EBF4: variants seen among roughly 807,000 people sequenced by gnomAD.
EBF4 encodes EBF transcription factor 4, also known as transcription factor COE4.
EBF4 carries 34 observed loss-of-function variants against 67.1 expected under a neutral mutation model. The observed-to-expected ratio is 0.51, with a 90% CI of 0.39 to 0.67. EBF4 has a LOEUF of 0.67. Ranked by LOEUF, EBF4 falls within the 30% of genes least tolerant of loss-of-function variation. The pLI is 0.00. For synonymous variants in EBF4, 387 were observed against 377.7 expected (o/e 1.02, Z -0.29); for missense variants, 837 against 873.3 (o/e 0.96, Z 0.52).
intron 8 of EBF4, 46 bp downstream of exon 8, chr20:2,749,564 C>T: frequency 6.5e-7 from 1 of 1,538,558 alleles, no homozygotes; most frequent in South Asian, 1.2e-5. Context: ...CCCAGCCAGC[C>T]CCCCAGGCCC....
Position 2,693,768 on chromosome 20 carries a change from C to T in EBF4, c.123C>T (p.Ser41=). Residue 41 remains serine, a synonymous_variant, in exon 1 of 17, where the codon AGC becomes AGT. Transcript: ENST00000609451. This position sits in a 1 kb window ranked among gnomAD's most constrained non-coding sequence, Gnocchi z 4.6. ...AGGGCGCGGGCATCCTGGACGCCAGCACCGCGGCGCAGAGGTAAGCGCTCG... is the reference window on the plus strand; with the variant it reads ...AGGGCGCGGGCATCCTGGACGCCAGTACCGCGGCGCAGAGGTAAGCGCTCG... 1 of 1,334,846 alleles carries T rather than the reference C, an allele frequency of 7.5e-7. No individual in the cohort carries two copies. The highest frequency in any genetic ancestry group is 9.6e-7 in the Non-Finnish European group (1 of 1,044,782). The allele number at this position is 1,334,846 out of a possible 1,614,324, so 82.7% of individuals were successfully genotyped here. A position where few individuals can be genotyped will look rare whatever the true frequency, so the allele number is the denominator to read the frequency against.
chr20:2,716,298 G>A (rs1302275176), intron 6 of EBF4, among the ~76,000 whole-genome samples: 4 of 151,238 alleles, frequency 2.6e-5, no homozygotes, highest in African/African-American at 7.3e-5. Flanking sequence ...AGGCCGAGGC[G>A]GGCAGATCAC....
At chr20:2,748,398 G>A in intron 6 of EBF4, 151 bp from the exon 7 acceptor site, 1 of 698,422 alleles carries the variant, frequency 1.4e-6, no homozygotes, top group Non-Finnish European at 2.4e-6. Context: ...CTGGTATATG[G>A]AGGCCATGAT....
At chr20:2,730,994 G>T (rs1249023189) in intron 6 of EBF4, among the ~76,000 whole-genome samples, 2 of 152,162 alleles carry the variant, frequency 1.3e-5, no homozygotes, top group South Asian at 4.1e-4. Context: ...CACCTCCAGG[G>T]TTCAAGCAAT....
chr20:2,694,779 A>G (rs2087264405), intron 1 of EBF4, among the ~76,000 whole-genome samples: 1 of 151,950 alleles, frequency 6.6e-6, no homozygotes, highest in Non-Finnish European at 1.5e-5. Context: ...GGACGCCTCA[A>G]CCTCACCGTG....
At chr20:2,697,447 A>G (rs1003043756) in intron 1 of EBF4, among the ~76,000 whole-genome samples, 4 of 152,084 alleles carry the variant, frequency 2.6e-5, no homozygotes, top group Non-Finnish European at 5.9e-5. Context: ...CAGGAGGCTG[A>G]GGCAGGAGAA....
chr20:2,702,019 A>T (rs1370303838), intron 1 of EBF4, among the ~76,000 whole-genome samples: 1 of 152,232 alleles, frequency 6.6e-6, no homozygotes, highest in African/African-American at 2.4e-5. Context: ...GGGGCGATCA[A>T]GGCCTCAACT....
chr20:2,736,780 C>T (rs1459392269), intron 6 of EBF4, among the ~76,000 whole-genome samples: 8 of 152,108 alleles, frequency 5.3e-5, no homozygotes, highest in East Asian at 1.9e-4. Flanking sequence ...AAGAGAGATT[C>T]GCTCATGTGC....
At position 2,727,073 on chromosome 20, in the gene EBF4, T is replaced by C. The variant is rs2087755720; in HGVS notation, c.557+17431T>C. Among the ~76,000 whole-genome samples the C allele has an allele frequency of 1.3e-5, 2 of 152,228 alleles. 1 individual carries two copies. The highest frequency in any genetic ancestry group is 4.1e-4 in the South Asian group (2 of 4,830). On this transcript the variant is annotated intron_variant, in intron 6 of 16. Coordinates refer to ENST00000609451, the Ensembl canonical transcript of EBF4. The stretch of plus-strand genomic sequence containing the variant: ...GCTTATTTTACTTGGCATACTGTCC[T>C]CAAGGTTCATTCATGTAACATGTGA...
In EBF4 at chr20:2,742,064, G is replaced by T. The variant is rs1002429432; in HGVS notation, c.558-6485G>T. ...TGGTCCCCACACAGCCTGCCTCTCA[G>T]AGCTGCTTTTGAAGGCAGGCTTGCC... On this transcript the variant is annotated intron_variant, in intron 6 of 16. Transcript: ENST00000609451. Among the ~76,000 whole-genome samples the T allele has an allele frequency of 6.6e-5, 10 of 152,178 alleles. 1 individual carries two copies. The highest frequency in any genetic ancestry group is 2.4e-4 in the African/African-American group (10 of 41,440).
chr20:2,721,644 A>G (rs1308219311), intron 6 of EBF4, among the ~76,000 whole-genome samples: 1 of 152,062 alleles, frequency 6.6e-6, no homozygotes, highest in African/African-American at 2.4e-5. Flanking sequence ...TAGTAGAGAC[A>G]GGGTTTCACC....
intron 6 of EBF4, among the ~76,000 whole-genome samples, chr20:2,746,685 G>T (rs1188676664): frequency 6.6e-6 from 1 of 152,214 alleles, no homozygotes; most frequent in Non-Finnish European, 1.5e-5. Flanking sequence ...TGAATTAAAT[G>T]AACATTCAAA....
intron 6 of EBF4, among the ~76,000 whole-genome samples, chr20:2,712,639 A>G (rs539441335): frequency 6.6e-6 from 1 of 152,202 alleles, no homozygotes; most frequent in South Asian, 2.1e-4. Context: ...CAGGCTGCAG[A>G]TGTAAATTTG....
At chr20:2,718,473 A>G (rs987454398) in intron 6 of EBF4, among the ~76,000 whole-genome samples, 32 of 152,218 alleles carry the variant, frequency 2.1e-4, no homozygotes, top group Non-Finnish European at 1.3e-4. Flanking sequence ...TCTAATAGAT[A>G]TAGAAGGTTA....
intron 6 of EBF4, among the ~76,000 whole-genome samples, chr20:2,732,096 A>G (rs892821845): frequency 2.7e-5 from 4 of 148,986 alleles, no homozygotes; most frequent in African/African-American, 9.8e-5. Flanking sequence ...TATTAGATAC[A>G]TGTGCTTTTT....
rs1008320317 is a variant in EBF4, at chr20:2,755,326, T to G, written c.1541-301T>G. 5.9e-5 allele frequency: 24 copies of G among 408,930 alleles called. No individual in the cohort carries two copies. The highest frequency in any genetic ancestry group is 9.7e-5 in the Non-Finnish European group (22 of 227,582). 25.3% of individuals were successfully genotyped at this position (408,930 alleles called of 1,614,324 possible). On this transcript the variant is annotated intron_variant, in intron 14 of 16. Transcript: ENST00000609451. The surrounding 1 kb of genome is among the most constrained non-coding windows in gnomAD (Gnocchi z 4.7). Reference sequence around the variant, plus strand: ...CAGAAATCCTGAAGTAGTCCAGCTGTTGCTCATCTCATTTTTGGGGGGTAC... The same window carrying G: ...CAGAAATCCTGAAGTAGTCCAGCTGGTGCTCATCTCATTTTTGGGGGGTAC...
intron 6 of EBF4, among the ~76,000 whole-genome samples, chr20:2,737,129 A>G (rs537383281): frequency 2.0e-5 from 3 of 151,642 alleles, no homozygotes; most frequent in South Asian, 2.1e-4. Flanking sequence ...GGGCGCCTGT[A>G]GTCCCAGCTA....
At position 2,751,582 on chromosome 20, in the gene EBF4, A is replaced by G; in HGVS notation, c.1019-118A>G. On this transcript the variant is annotated intron_variant, in intron 10 of 16. Coordinates refer to ENST00000609451, the Ensembl canonical transcript of EBF4. The surrounding 1 kb of genome is among the most constrained non-coding windows in gnomAD (Gnocchi z 5.2). ...GGGGGACTTGGGCTGGGCCTGGTGGAGGGGGCTGCAGCGAGGCTCTCGGAC... is the reference window on the plus strand; with the variant it reads ...GGGGGACTTGGGCTGGGCCTGGTGGGGGGGGCTGCAGCGAGGCTCTCGGAC... The G allele has an allele frequency of 1.0e-6, 1 of 1,004,370 alleles. No individual in the cohort carries two copies. The highest frequency in any genetic ancestry group is 1.5e-6 in the Non-Finnish European group (1 of 670,812). The allele number at this position is 1,004,370 out of a possible 1,614,324, so 62.2% of individuals were successfully genotyped here.
rs1382415951 is a variant in EBF4, at chr20:2,696,543, A to C, written c.137+2761A>C. 1.3e-5 allele frequency among the ~76,000 whole-genome samples: 2 copies of C among 152,198 alleles called. No individual in the cohort carries two copies. Among genetic ancestry groups the C allele is most frequent in the East Asian group, 3.8e-4 (2 of 5,202 alleles). ...AACCCCCAAGCCCCACTGCTTCCTC[A>C]TGGATATCTCCAACATTCAAGGCCT... On this transcript the variant is annotated intron_variant, in intron 1 of 16. Coordinates refer to ENST00000609451, the Ensembl canonical transcript of EBF4. This position sits in a 1 kb window ranked among gnomAD's most constrained non-coding sequence, Gnocchi z 4.7.
Sources: gnomAD v4.1 joint callset for allele counts (sites outside exome capture counted in the v4.1 genomes callset) on GRCh38, gnomAD v4.1.1 for gene constraint, Gnocchi (gnomAD v3.1) non-coding constraint, MANE v1.5 for transcripts, NCBI Gene and HGNC (gene_info 2026-07-23, HGNC 2026-07-21) for gene names.